The following TFB1M variants were observed in gnomAD, a reference collection of about 807,000 sequenced individuals.
TFB1M encodes the protein transcription factor B1, mitochondrial.
Under a neutral mutation model 31.1 loss-of-function variants are expected in TFB1M, and 27 were observed. The observed-to-expected ratio is 0.87, with a 90% confidence interval of 0.64 to 1.20. The LOEUF (loss-of-function observed/expected upper bound fraction) is 1.20, where lower values mean the gene tolerates loss of function less well. TFB1M is among the 50% of genes most tolerant of loss of function. The probability of loss-of-function intolerance (pLI) is 0.00; values close to 1 mark genes in which losing one functional copy is unlikely to be tolerated. For missense variants in TFB1M, 394 were observed against 418.7 expected, an observed-to-expected ratio of 0.94 and a Z score of 0.51; for synonymous variants, 166 against 151.8, an observed-to-expected ratio of 1.09 and a Z score of -0.69.
chr6:155,243,937 G>T, the TFB1M span: 1 of 1,223,626 alleles, frequency 8.2e-7, no homozygotes, highest in Non-Finnish European at 1.2e-6. Context: ...CTGCTGCCAG[G>T]TTGCTGCTAC....
the TFB1M span, among the ~76,000 whole-genome samples, chr6:155,248,874 A>G: frequency 6.6e-6 from 1 of 152,222 alleles, no homozygotes; most frequent in Non-Finnish European, 1.5e-5. Context: ...GGGGAGAGAG[A>G]GGCTTATTAA....
chr6:155,240,146 G>A, the TFB1M span, among the ~76,000 whole-genome samples: 1 of 152,204 alleles, frequency 6.6e-6, no homozygotes, highest in Admixed American at 6.5e-5. Context: ...GAGGGGACTG[G>A]GTGGGCCTGT....
chr6:155,296,809 C>A, intron 4 of TFB1M, 144 bp downstream of exon 4: 1 of 773,508 alleles, frequency 1.3e-6, no homozygotes, highest in Non-Finnish European at 2.1e-6. Context: ...AAAGTTTTAA[C>A]TTTTGGCTGA....
At chr6:155,269,033 G>A (rs993994901) in intron 5 of TFB1M, among the ~76,000 whole-genome samples, 1 of 147,730 alleles carries the variant, frequency 6.8e-6, no homozygotes, top group Non-Finnish European at 1.5e-5. Flanking sequence ...AAGAAAGATG[G>A]ACTGCAATCA....
intron 5 of TFB1M, among the ~76,000 whole-genome samples, chr6:155,280,350 A>G (rs7740737): frequency 0.57 from 86,770 of 151,402 alleles, 25,650 homozygotes; most frequent in East Asian, 0.84. Flanking sequence ...TGACTGCCCC[A>G]CTGCTCCCTG....
In TFB1M at chr6:155,257,808, TG is replaced by T; in HGVS notation, c.*27del. The T allele has an allele frequency of 1.2e-6, 2 of 1,613,842 alleles. No homozygotes were observed. Among genetic ancestry groups the T allele is most frequent in the Non-Finnish European group, 1.7e-6 (2 of 1,179,876 alleles). ...GCTCCACGTAGTGCAAATCGACATC[TG>T]GTAGGCTGCTCGCCCCCAGGCAGCA... On this transcript the variant is annotated 3_prime_UTR_variant, in exon 7 of 7. Coordinates refer to ENST00000367166, the MANE Select transcript of TFB1M (RefSeq NM_016020.4).
chr6:155,230,690 C>G, the TFB1M span, among the ~76,000 whole-genome samples: 2 of 151,748 alleles, frequency 1.3e-5, no homozygotes, highest in African/African-American at 4.8e-5. Flanking sequence ...TCAGATAAGC[C>G]AAAAGATTAA....
At chr6:155,240,610 G>A in the TFB1M span, 22 of 1,614,064 alleles carry the variant, frequency 1.4e-5, no homozygotes, top group Non-Finnish European at 1.9e-5. Flanking sequence ...GGGAGAATCA[G>A]GATCCTCCTC....
the TFB1M span, chr6:155,240,832 C>G: frequency 2.8e-5 from 27 of 971,106 alleles, no homozygotes; most frequent in Admixed American, 4.6e-4. Context: ...GGGACACCTG[C>G]TCCTTGAATC....
At chr6:155,248,324 G>C in the TFB1M span, 4 of 948,890 alleles carry the variant, frequency 4.2e-6, no homozygotes, top group Non-Finnish European at 6.1e-6. Context: ...GTTAATCTTA[G>C]GTTTCACGTG....
Position 155,256,802 on chromosome 6 carries a change from G to T in TFB1M, c.*1034C>A, listed in dbSNP as rs748792324. 2 of 1,614,212 alleles carry T rather than the reference G, an allele frequency of 1.2e-6. No individual in the cohort carries two copies. Among genetic ancestry groups the T allele is most frequent in the African/African-American group, 2.7e-5 (2 of 75,040 alleles). On this transcript the variant is annotated 3_prime_UTR_variant, in exon 7 of 7. Transcript: ENST00000367166. Reference sequence around the variant, plus strand: ...ATCGAAATTCAGTTCCAGAGACTGAGGATTTCCGAGGACCCAGACGTTCAC... The same window carrying T: ...ATCGAAATTCAGTTCCAGAGACTGATGATTTCCGAGGACCCAGACGTTCAC...
intron 5 of TFB1M, chr6:155,276,255 T>G: frequency 6.2e-7 from 1 of 1,614,188 alleles, no homozygotes; most frequent in Non-Finnish European, 8.5e-7. Context: ...ATCTCTGGCA[T>G]GATTTTCTGC....
the TFB1M span, chr6:155,250,630 G>T: frequency 6.5e-7 from 1 of 1,535,844 alleles, no homozygotes; most frequent in Non-Finnish European, 8.7e-7. Flanking sequence ...CACTGGTAGA[G>T]TTCATCTTAT....
At chr6:155,266,838 C>T (rs1237549962) in intron 5 of TFB1M, among the ~76,000 whole-genome samples, 3 of 94,720 alleles carry the variant, frequency 3.2e-5, no homozygotes, top group Admixed American at 1.6e-4. Flanking sequence ...CAGAGCGAGA[C>T]TCCGTCTCAA....
chr6:155,282,972 C>T (rs1361467574), intron 5 of TFB1M, among the ~76,000 whole-genome samples: 1 of 152,054 alleles, frequency 6.6e-6, no homozygotes, highest in Non-Finnish European at 1.5e-5. Flanking sequence ...CGTGATCCGC[C>T]CACCTCGGCC....
chr6:155,296,855 T>C, intron 4 of TFB1M, 98 bp downstream of exon 4: 2 of 1,182,152 alleles, frequency 1.7e-6, no homozygotes, highest in Middle Eastern at 2.6e-4. Context: ...AATAAGATAT[T>C]AACTTAGAAA....
chr6:155,256,161 T>TACC lies in TFB1M; in HGVS notation c.*1672_*1674dup. 1 of 503,692 alleles carries TACC rather than the reference T, an allele frequency of 2.0e-6. No individual in the cohort carries two copies. The highest frequency in any genetic ancestry group is 3.5e-5 in the East Asian group (1 of 28,228). 31.2% of individuals were successfully genotyped at this position (503,692 alleles called of 1,614,324 possible). A position where few individuals can be genotyped will look rare whatever the true frequency, so the allele number is the denominator to read the frequency against. Reference sequence around the variant, plus strand: ...AAAGAAAGGAGCCTAGATTTATTATTACCAATTAACTTTTCAACTTACTCC... The same window carrying TACC: ...AAAGAAAGGAGCCTAGATTTATTATTACCACCAATTAACTTTTCAACTTACTCC... On this transcript the variant is annotated 3_prime_UTR_variant, in exon 7 of 7. Coordinates refer to ENST00000367166, the MANE Select transcript of TFB1M (RefSeq NM_016020.4).
At chr6:155,237,059 C>T in the TFB1M span, among the ~76,000 whole-genome samples, 97 of 152,334 alleles carry the variant, frequency 6.4e-4, no homozygotes, top group Middle Eastern at 3.4e-3. Context: ...AAGGCAAGTC[C>T]CTTCCACCTA....
At chr6:155,305,692 TA>T (rs1777721370) in intron 2 of TFB1M, among the ~76,000 whole-genome samples, 1 of 17,618 alleles carries the variant, frequency 5.7e-5, no homozygotes, top group African/African-American at 2.0e-4. Flanking sequence ...ATTATATATT[TA>T]TATATAAATA....
Sources: gnomAD v4.1 joint callset for allele counts (sites outside exome capture counted in the v4.1 genomes callset) on GRCh38, gnomAD v4.1.1 for gene constraint, MANE v1.5 for transcripts, NCBI Gene and HGNC (gene_info 2026-07-23, HGNC 2026-07-21) for gene names.